DNM3: variants seen among roughly 807,000 people sequenced by gnomAD.
The protein encoded by DNM3 is dynamin-3.
DNM3 carries 47 observed loss-of-function variants against 101.6 expected under a neutral mutation model. That is an observed-to-expected ratio of 0.46 (90% confidence interval 0.37 to 0.59). DNM3 has a LOEUF of 0.59. DNM3 is among the 20% of genes least tolerant of loss of function. The pLI, the probability that DNM3 is intolerant of heterozygous loss-of-function variation, is 0.00. For missense variants in DNM3, 849 were observed against 1,085.7 expected (o/e 0.78, Z 3.06); for synonymous variants, 385 against 387.9 (o/e 0.99, Z 0.09).
chr1:171,910,679 A>G (rs2125274104), intron 1 of DNM3, among the ~76,000 whole-genome samples: 1 of 152,354 alleles, frequency 6.6e-6, no homozygotes, highest in South Asian at 2.1e-4. Context: ...TAACTTACCA[A>G]TACTAAAAAT....
At chr1:172,003,877 G>A (rs1455773894) in intron 4 of DNM3, among the ~76,000 whole-genome samples, 1 of 151,976 alleles carries the variant, frequency 6.6e-6, no homozygotes, top group African/African-American at 2.4e-5. Flanking sequence ...ACCAGCTGCT[G>A]TGGAGAAATA....
chr1:172,176,863 G>C (rs962622143), intron 14 of DNM3, among the ~76,000 whole-genome samples: 7 of 151,736 alleles, frequency 4.6e-5, no homozygotes, highest in African/African-American at 1.7e-4. Context: ...TAGCAAGATT[G>C]ATCTATTTGG....
chr1:172,246,024 C>T (rs902717904), intron 14 of DNM3, among the ~76,000 whole-genome samples: 2 of 152,168 alleles, frequency 1.3e-5, no homozygotes, highest in African/African-American at 2.4e-5. Context: ...GCACCTCTTT[C>T]ACATGGTGGC....
intron 14 of DNM3, among the ~76,000 whole-genome samples, chr1:172,168,115 A>G (rs953507655): frequency 6.6e-6 from 1 of 152,044 alleles, no homozygotes; most frequent in Non-Finnish European, 1.5e-5. Context: ...ATTTCAGAAT[A>G]AAACAAACAT....
At chr1:172,125,742 C>T (rs977089219) in intron 13 of DNM3, among the ~76,000 whole-genome samples, 23 of 152,046 alleles carry the variant, frequency 1.5e-4, no homozygotes, top group Admixed American at 2.0e-4. Context: ...CTTGTTTACT[C>T]GAATACTCAA....
intron 17 of DNM3, among the ~76,000 whole-genome samples, chr1:172,351,178 T>C (rs17368991): frequency 0.042 from 6,371 of 152,188 alleles, 202 homozygotes; most frequent in African/African-American, 0.082. Context: ...AGACTTCCCA[T>C]GGCAATTAAA....
At chr1:171,910,248 GT>G (rs2039184910) in intron 1 of DNM3, among the ~76,000 whole-genome samples, 1 of 152,194 alleles carries the variant, frequency 6.6e-6, no homozygotes, top group Non-Finnish European at 1.5e-5. Context: ...GCACTCTGCT[GT>G]TTCAGTTACC....
Position 171,924,483 on chromosome 1 carries a change from T to C in DNM3, c.235+2662T>C, listed in dbSNP as rs532549563. 2.6e-4 allele frequency among the ~76,000 whole-genome samples: 40 copies of C among 152,310 alleles called. No homozygotes were observed. In the South Asian group the frequency reaches 8.3e-3, roughly 32 times the overall value. On this transcript the variant is annotated intron_variant, in intron 2 of 20. Coordinates refer to ENST00000627582, the MANE Select transcript of DNM3 (RefSeq NM_015569.5). ...ATGGCTGGGGAGGTCTCAGGAAACTTACAATCATGGTGGAAGGCAAAGGGG... is the reference window on the plus strand; with the variant it reads ...ATGGCTGGGGAGGTCTCAGGAAACTCACAATCATGGTGGAAGGCAAAGGGG...
intron 14 of DNM3, chr1:172,138,408 A>G (rs908202774): frequency 6.6e-6 from 1 of 150,732 alleles, no homozygotes; most frequent in African/African-American, 2.4e-5. Context: ...TAGTTTATGG[A>G]CAAGAATTCT....
chr1:172,095,767 G>C (rs1046014854), intron 13 of DNM3, among the ~76,000 whole-genome samples: 1 of 152,100 alleles, frequency 6.6e-6, no homozygotes, highest in African/African-American at 2.4e-5. Context: ...TTTAAGAAGG[G>C]CAAAACTCTT....
chr1:172,406,159 G>A (rs1203110202), intron 20 of DNM3, among the ~76,000 whole-genome samples: 1 of 151,918 alleles, frequency 6.6e-6, no homozygotes, highest in Non-Finnish European at 1.5e-5. Flanking sequence ...ATAGAGATTT[G>A]TTGAGATGCT....
chr1:172,087,154 A>T (rs1265004102), intron 12 of DNM3, among the ~76,000 whole-genome samples: 1 of 152,116 alleles, frequency 6.6e-6, no homozygotes, highest in East Asian at 1.9e-4. Context: ...CACCACCGTT[A>T]ATCACTCCTT....
intron 12 of DNM3, 112 bp downstream of exon 12, chr1:172,082,014 G>C: frequency 8.8e-7 from 1 of 1,135,242 alleles, no homozygotes; most frequent in Non-Finnish European, 1.3e-6. Flanking sequence ...TCTGTGCCAG[G>C]ATTAACTCTC....
chr1:172,300,176 G>A (rs764804794), intron 15 of DNM3, among the ~76,000 whole-genome samples: 16 of 151,852 alleles, frequency 1.1e-4, no homozygotes, highest in African/African-American at 3.6e-4. Context: ...TTTGTTGCTT[G>A]TATGTCTTCT....
intron 2 of DNM3, among the ~76,000 whole-genome samples, chr1:171,979,381 C>A (rs1307415739): frequency 6.6e-6 from 1 of 152,118 alleles, no homozygotes; most frequent in Non-Finnish European, 1.5e-5. Flanking sequence ...GAAGAGATAT[C>A]TGCACTGCCA....
intron 2 of DNM3, among the ~76,000 whole-genome samples, chr1:171,953,580 A>G (rs1407283934): frequency 6.6e-6 from 1 of 151,730 alleles, no homozygotes; most frequent in East Asian, 1.9e-4. Flanking sequence ...GGCACATGCC[A>G]TGATGCTTGG....
intron 14 of DNM3, among the ~76,000 whole-genome samples, chr1:172,233,237 C>T (rs2061406813): frequency 6.6e-6 from 1 of 152,122 alleles, no homozygotes; most frequent in Non-Finnish European, 1.5e-5. Flanking sequence ...ATACAAACTA[C>T]CATCAGAGAG....
At chr1:172,008,583 A>ATT (rs59449917) in intron 4 of DNM3, among the ~76,000 whole-genome samples, 1,668 of 141,710 alleles carry the variant, frequency 0.012, 46 homozygotes, top group African/African-American at 0.039. Context: ...TAGGTCTGCA[A>ATT]TTTTTTTTTT....
At chr1:172,020,169 T>C (rs2047736646) in intron 4 of DNM3, among the ~76,000 whole-genome samples, 1 of 152,154 alleles carries the variant, frequency 6.6e-6, no homozygotes, top group Non-Finnish European at 1.5e-5. Context: ...GTCCTGTGAT[T>C]AGATCTCATG....
Sources: gnomAD v4.1 joint callset for allele counts (sites outside exome capture counted in the v4.1 genomes callset) on GRCh38, gnomAD v4.1.1 for gene constraint, MANE v1.5 for transcripts, NCBI Gene and HGNC (gene_info 2026-07-23, HGNC 2026-07-21) for gene names.